Variants in MAP4K3 observed in about 807,000 individuals in gnomAD.
MAP4K3 encodes the protein MAPK/ERK kinase kinase kinase 3.
MAP4K3 carries 94 observed loss-of-function variants against 143.5 expected under a neutral mutation model. That is an observed-to-expected ratio of 0.65 (90% CI 0.55 to 0.78). The LOEUF is 0.78. Ranked by LOEUF, MAP4K3 falls within the 30% of genes least tolerant of loss-of-function variation. The probability of loss-of-function intolerance (pLI) is 0.00; values close to 1 mark genes in which losing one functional copy is unlikely to be tolerated. For synonymous variants in MAP4K3, 416 were observed against 347.2 expected (o/e 1.20, Z -2.20); for missense variants, 1,077 against 1,068.1 (o/e 1.01, Z -0.12).
At chr2:39,336,629 A>T (rs1664976605) in intron 6 of MAP4K3, among the ~76,000 whole-genome samples, 1 of 152,142 alleles carries the variant, frequency 6.6e-6, no homozygotes, top group Non-Finnish European at 1.5e-5. Context: ...ACTTGATGAA[A>T]GCTATAAGCT....
chr2:39,401,754 T>C (rs914058964), intron 1 of MAP4K3, among the ~76,000 whole-genome samples: 1 of 152,240 alleles, frequency 6.6e-6, no homozygotes, highest in East Asian at 1.9e-4. Flanking sequence ...TGAGCCAAGA[T>C]GGCAATACTG....
chr2:39,267,315 A>G, intron 26 of MAP4K3, 68 bp from the exon 27 acceptor site: 1 of 1,208,232 alleles, frequency 8.3e-7, no homozygotes, highest in Non-Finnish European at 1.2e-6. Flanking sequence ...AGCTACTGTT[A>G]TAGATCAGTG....
intron 4 of MAP4K3, 73 bp downstream of exon 4, chr2:39,343,315 G>A (rs1025831465): frequency 1.7e-5 from 17 of 1,008,198 alleles, no homozygotes; most frequent in African/African-American, 1.3e-4. Context: ...TAATGTTGAT[G>A]TTTTAATATA....
chr2:39,320,527 T>C (rs1249995365), intron 12 of MAP4K3, among the ~76,000 whole-genome samples: 5 of 152,160 alleles, frequency 3.3e-5, no homozygotes, highest in African/African-American at 1.2e-4. Flanking sequence ...TGGCCCTTTA[T>C]GTTTTTTTCT....
chr2:39,420,962 C>T (rs1289021994), intron 1 of MAP4K3, among the ~76,000 whole-genome samples: 1 of 152,154 alleles, frequency 6.6e-6, no homozygotes, highest in Non-Finnish European at 1.5e-5. Context: ...ACTTTCCCAT[C>T]TCTCCAGGTC....
At chr2:39,372,797 A>T (rs896717333) in intron 2 of MAP4K3, among the ~76,000 whole-genome samples, 4 of 152,210 alleles carry the variant, frequency 2.6e-5, no homozygotes, top group South Asian at 2.1e-4. Flanking sequence ...ATTAAAATGG[A>T]TTAAAGACAT....
At chr2:39,370,605 T>C (rs1417538217) in intron 2 of MAP4K3, among the ~76,000 whole-genome samples, 1 of 152,202 alleles carries the variant, frequency 6.6e-6, no homozygotes, top group Admixed American at 6.5e-5. Flanking sequence ...TTTTTGCACT[T>C]TTAAAATTTA....
chr2:39,312,206 TTTTC>T (rs1259341479), intron 13 of MAP4K3, among the ~76,000 whole-genome samples: 3 of 152,214 alleles, frequency 2.0e-5, no homozygotes, highest in Non-Finnish European at 4.4e-5. Flanking sequence ...TACATTCATC[TTTTC>T]TTTTTCTTTG....
At chr2:39,338,990 C>A (rs1358145662) in intron 4 of MAP4K3, among the ~76,000 whole-genome samples, 4 of 152,168 alleles carry the variant, frequency 2.6e-5, no homozygotes, top group African/African-American at 9.7e-5. Flanking sequence ...ACAAACAGAG[C>A]ATCTGTACAC....
intron 16 of MAP4K3, chr2:39,293,940 G>A (rs1682162177): frequency 6.6e-6 from 1 of 152,218 alleles, no homozygotes; most frequent in Admixed American, 6.6e-5. Flanking sequence ...ACCATTAGGA[G>A]CAGTATACAA....
chr2:39,432,064 G>A (rs1230778216), intron 1 of MAP4K3, among the ~76,000 whole-genome samples: 3 of 152,154 alleles, frequency 2.0e-5, no homozygotes, highest in African/African-American at 7.2e-5. Context: ...GCTAATAGCA[G>A]GTACACATTT....
rs1682787647 is a variant in MAP4K3 at position 39,308,169 on chromosome 2, G to GCAA, written c.1057-167_1057-165dup. On this transcript the variant is annotated intron_variant, in intron 14 of 33. Transcript: ENST00000263881. ...AGGCAGCTTCTAAAAAAGCAACATT[G>GCAA]CAACAACTTTGCTCTAAAATGCAGT... Among the ~76,000 whole-genome samples the GCAA allele has an allele frequency of 2.6e-5, 4 of 152,132 alleles. No homozygotes were observed. In the South Asian group the frequency reaches 8.3e-4, roughly 31 times the overall value.
intron 15 of MAP4K3, among the ~76,000 whole-genome samples, chr2:39,305,700 G>T (rs1378263267): frequency 6.6e-6 from 1 of 152,144 alleles, no homozygotes; most frequent in Admixed American, 6.5e-5. Context: ...TGTACCACAG[G>T]AAACTCCTGA....
intron 24 of MAP4K3, among the ~76,000 whole-genome samples, chr2:39,277,880 A>G (rs1199354430): frequency 1.3e-5 from 2 of 151,734 alleles, no homozygotes; most frequent in African/African-American, 4.8e-5. Flanking sequence ...GAGGATTTTA[A>G]GAATAAAAGA....
At chr2:39,369,904 A>G (rs1666034682) in intron 2 of MAP4K3, among the ~76,000 whole-genome samples, 2 of 152,212 alleles carry the variant, frequency 1.3e-5, no homozygotes, top group South Asian at 4.1e-4. Flanking sequence ...TACTGCCAGC[A>G]CCACCACCTA....
At chr2:39,288,362 T>G in intron 19 of MAP4K3, 82 bp from the exon 20 acceptor site, 1 of 1,232,092 alleles carries the variant, frequency 8.1e-7, no homozygotes, top group Admixed American at 2.0e-5. Context: ...ATTAAAAGCT[T>G]TCAAATTATT....
chr2:39,398,107 C>T (rs1276313967), intron 1 of MAP4K3, among the ~76,000 whole-genome samples: 2 of 152,118 alleles, frequency 1.3e-5, no homozygotes, highest in Non-Finnish European at 2.9e-5. Flanking sequence ...CGCATGTACC[C>T]TTTCACCTAG....
Position 39,307,938 on chromosome 2 carries a change from A to G in MAP4K3, c.1119+5T>C, listed in dbSNP as rs767750058. 4 of 1,538,066 alleles carry G rather than the reference A, an allele frequency of 2.6e-6. No individual in the cohort carries two copies. The Admixed American group carries it at 6.0e-5, about 23-fold the overall frequency. ...TGACAAAGAAAATCAGAAGATGAGA[A>G]ATACCAGATTAGATCTTGCAGTGTA... On this transcript the variant is annotated splice_donor_5th_base_variant and intron_variant, in intron 15 of 33. Coordinates refer to ENST00000263881, the MANE Select transcript of MAP4K3 (RefSeq NM_003618.4).
At chr2:39,367,606 A>G (rs900703739) in intron 2 of MAP4K3, among the ~76,000 whole-genome samples, 1 of 151,898 alleles carries the variant, frequency 6.6e-6, no homozygotes, top group African/African-American at 2.4e-5. Flanking sequence ...GCTCCCTAAA[A>G]AAAAAGTCTT....
Sources: allele counts gnomAD v4.1 joint callset (sites outside exome capture counted in the v4.1 genomes callset), GRCh38; gene constraint gnomAD v4.1.1; transcripts MANE v1.5; gene names NCBI Gene and HGNC (gene_info 2026-07-23, HGNC 2026-07-21).